KATNIP: variants seen among roughly 807,000 people sequenced by gnomAD.
The protein encoded by KATNIP is katanin-interacting protein.
KATNIP carries 126 observed loss-of-function variants against 174.0 expected under a neutral mutation model. The observed-to-expected ratio is 0.72, with a 90% CI of 0.63 to 0.84. KATNIP has a LOEUF of 0.84. KATNIP is among the 40% of genes least tolerant of loss of function. KATNIP has a pLI of 0.00. For synonymous variants in KATNIP, 810 were observed against 835.7 expected (o/e 0.97, Z 0.53); for missense variants, 1,958 against 2,109.7 (o/e 0.93, Z 1.41).
chr16:27,590,123 A>C (rs2075120592), intron 2 of KATNIP, among the ~76,000 whole-genome samples: 1 of 151,916 alleles, frequency 6.6e-6, no homozygotes, highest in South Asian at 2.1e-4. Flanking sequence ...TGATAGATGC[A>C]ATGTCCTTCC....
chr16:27,664,450 C>G (rs941048168), intron 6 of KATNIP, among the ~76,000 whole-genome samples: 9 of 152,170 alleles, frequency 5.9e-5, no homozygotes, highest in African/African-American at 1.9e-4. Context: ...CTCAGACTAC[C>G]TATATTAGCA....
intron 2 of KATNIP, among the ~76,000 whole-genome samples, chr16:27,598,198 G>A (rs150874016): frequency 2.4e-3 from 366 of 149,632 alleles, no homozygotes; most frequent in African/African-American, 8.2e-3. Context: ...CTGAGAATGC[G>A]CCACCATTGC....
chr16:27,600,055 C>T (rs188106884), intron 2 of KATNIP, among the ~76,000 whole-genome samples: 30 of 152,332 alleles, frequency 2.0e-4, no homozygotes, highest in Non-Finnish European at 1.5e-4. Flanking sequence ...CCCCACCTTC[C>T]GAGCACTGAC....
intron 13 of KATNIP, among the ~76,000 whole-genome samples, chr16:27,720,658 A>C (rs1343997496): frequency 6.6e-6 from 1 of 152,070 alleles, no homozygotes; most frequent in African/African-American, 2.4e-5. Context: ...CGAGGTAGGC[A>C]CCAAGCTTGG....
At chr16:27,614,405 C>T (rs1291278664) in intron 2 of KATNIP, among the ~76,000 whole-genome samples, 1 of 152,176 alleles carries the variant, frequency 6.6e-6, no homozygotes, top group African/African-American at 2.4e-5. Flanking sequence ...AGGTGATCCA[C>T]CTGCCTCAGC....
At chr16:27,749,170 G>A (rs1426527395) in intron 15 of KATNIP, among the ~76,000 whole-genome samples, 1 of 152,224 alleles carries the variant, frequency 6.6e-6, no homozygotes, top group Non-Finnish European at 1.5e-5. Context: ...ACACAGCCAA[G>A]TAGTCTTCCC....
intron 2 of KATNIP, among the ~76,000 whole-genome samples, chr16:27,582,204 G>A (rs1196657716): frequency 1.3e-5 from 2 of 152,110 alleles, no homozygotes; most frequent in African/African-American, 2.4e-5. Context: ...TCAGTTCTCC[G>A]TGTTCTTGCA....
At chr16:27,625,843 TTTTC>T (rs1184775058) in intron 3 of KATNIP, among the ~76,000 whole-genome samples, 4 of 151,646 alleles carry the variant, frequency 2.6e-5, no homozygotes, top group East Asian at 1.9e-4. Context: ...TTCTTTTCTT[TTTTC>T]TTTCTTTCTT....
intron 6 of KATNIP, among the ~76,000 whole-genome samples, chr16:27,659,512 CA>C (rs151176449): frequency 0.035 from 2,886 of 82,622 alleles, 63 homozygotes; most frequent in East Asian, 0.13. Context: ...CCTGTCTATA[CA>C]AAAAAAAAAA....
At chr16:27,630,624 G>C (rs973303186) in intron 4 of KATNIP, among the ~76,000 whole-genome samples, 2 of 152,158 alleles carry the variant, frequency 1.3e-5, no homozygotes, top group African/African-American at 4.8e-5. Context: ...AGGTTTCAGG[G>C]AGGAACAGAT....
intron 2 of KATNIP, among the ~76,000 whole-genome samples, chr16:27,614,167 C>T (rs1022415472): frequency 2.0e-5 from 3 of 151,372 alleles, no homozygotes; most frequent in Non-Finnish European, 2.9e-5. Flanking sequence ...AACCTCCAAC[C>T]CCCGGGTTCA....
chr16:27,688,764 G>A (rs2078611985), intron 8 of KATNIP, among the ~76,000 whole-genome samples: 1 of 152,180 alleles, frequency 6.6e-6, no homozygotes, highest in African/African-American at 2.4e-5. Flanking sequence ...TACCAGGCAG[G>A]CATTTCATTG....
intron 12 of KATNIP, among the ~76,000 whole-genome samples, chr16:27,706,456 G>A (rs983454383): frequency 6.6e-6 from 1 of 152,098 alleles, no homozygotes; most frequent in African/African-American, 2.4e-5. Context: ...GAAAAGAGAC[G>A]CCGTGGCTTT....
At chr16:27,609,605 T>C (rs927823972) in intron 2 of KATNIP, among the ~76,000 whole-genome samples, 3 of 149,156 alleles carry the variant, frequency 2.0e-5, no homozygotes, top group East Asian at 2.0e-4. Context: ...TTAGCCAGGG[T>C]GGTCTCGATC....
At chr16:27,774,544 C>T (rs866504026) in intron 23 of KATNIP, among the ~76,000 whole-genome samples, 12 of 152,130 alleles carry the variant, frequency 7.9e-5, no homozygotes, top group Non-Finnish European at 1.6e-4. Flanking sequence ...AAGAGAGGCT[C>T]GGCATGATAC....
intron 6 of KATNIP, among the ~76,000 whole-genome samples, chr16:27,655,228 A>C (rs1036708013): frequency 1.6e-5 from 1 of 63,750 alleles, no homozygotes; most frequent in Non-Finnish European, 3.1e-5. Flanking sequence ...ATATATATAT[A>C]TTTTGTTTGT....
At chr16:27,586,786 G>A (rs941268920) in intron 2 of KATNIP, among the ~76,000 whole-genome samples, 52 of 149,774 alleles carry the variant, frequency 3.5e-4, no homozygotes, top group African/African-American at 1.0e-3. Flanking sequence ...CCAAGATCGC[G>A]CCACTGCACT....
At chr16:27,601,461 AT>A (rs2075521683) in intron 2 of KATNIP, among the ~76,000 whole-genome samples, 1 of 151,608 alleles carries the variant, frequency 6.6e-6, no homozygotes, top group Admixed American at 6.6e-5. Context: ...AATGACCTTT[AT>A]TTATTTACTT....
chr16:27,663,826 A>C (rs1454758117), intron 6 of KATNIP, among the ~76,000 whole-genome samples: 2 of 149,246 alleles, frequency 1.3e-5, no homozygotes, highest in Admixed American at 6.7e-5. Context: ...TTATTTTTTC[A>C]TTTAAGACAG....
Sources: gnomAD v4.1 joint callset for allele counts (sites outside exome capture counted in the v4.1 genomes callset) on GRCh38, gnomAD v4.1.1 for gene constraint, MANE v1.5 for transcripts, NCBI Gene and HGNC (gene_info 2026-07-23, HGNC 2026-07-21) for gene names.